The following FAM81A variants were observed in gnomAD, a reference collection of about 807,000 sequenced individuals.
FAM81A encodes the protein family with sequence similarity 81 member A.
FAM81A carries 19 observed loss-of-function variants against 46.7 expected under a neutral mutation model. The ratio of observed to expected loss-of-function variants is 0.41; its 90% CI spans 0.28 to 0.60. The LOEUF is 0.60. Ranked by LOEUF, FAM81A falls within the 20% of genes least tolerant of loss-of-function variation. FAM81A has a pLI of 0.34. For missense variants in FAM81A, 377 were observed against 453.5 expected (o/e 0.83, Z 1.53); for synonymous variants, 183 against 152.9 (o/e 1.20, Z -1.45).
chr15:59,456,419 G>A (rs1259841643), intron 1 of FAM81A, among the ~76,000 whole-genome samples: 1 of 152,144 alleles, frequency 6.6e-6, no homozygotes, highest in African/African-American at 2.4e-5. Flanking sequence ...GTGTTGAAGA[G>A]AAGCTGTGGA....
chr15:59,516,932 G>A (rs1376435821), intron 8 of FAM81A, 92 bp downstream of exon 8: 8 of 1,205,524 alleles, frequency 6.6e-6, no homozygotes, highest in Admixed American at 3.1e-5. Flanking sequence ...TATGAACCTG[G>A]CTAATGGTAA....
At chr15:59,448,157 A>C (rs1426659208) in intron 1 of FAM81A, among the ~76,000 whole-genome samples, 1 of 152,164 alleles carries the variant, frequency 6.6e-6, no homozygotes, top group Non-Finnish European at 1.5e-5. Flanking sequence ...TGGGCAGATC[A>C]TGTGAGGTCA....
intron 3 of FAM81A, among the ~76,000 whole-genome samples, chr15:59,466,647 T>G (rs1329129057): frequency 6.6e-6 from 1 of 152,210 alleles, no homozygotes; most frequent in Non-Finnish European, 1.5e-5. Context: ...TTTCTCCCAT[T>G]CTGTAGGTTG....
At chr15:59,459,200 G>C (rs1345004295) in intron 2 of FAM81A, among the ~76,000 whole-genome samples, 1 of 151,978 alleles carries the variant, frequency 6.6e-6, no homozygotes, top group Non-Finnish European at 1.5e-5. Context: ...GGGTCTCGTT[G>C]TGTTGCCCAG....
At chr15:59,421,811 CA>C (rs1223847670) in intron 2 of FAM81A, among the ~76,000 whole-genome samples, 1 of 150,712 alleles carries the variant, frequency 6.6e-6, no homozygotes, top group African/African-American at 2.5e-5. Context: ...AACTACCTAC[CA>C]AAAAAGCATT....
chr15:59,507,028 C>T (rs1329015065), intron 4 of FAM81A, among the ~76,000 whole-genome samples, 185 bp from the exon 5 acceptor site: 2 of 152,162 alleles, frequency 1.3e-5, no homozygotes, highest in African/African-American at 4.8e-5. Context: ...TAAGCAACAT[C>T]CCTGTGGTTT....
chr15:59,516,610 G>A, intron 7 of FAM81A, 35 bp from the exon 8 acceptor site: 2 of 1,578,596 alleles, frequency 1.3e-6, no homozygotes, highest in Non-Finnish European at 1.7e-6. Context: ...TTTCTTTTTG[G>A]AGTGATTAAG....
At chr15:59,458,769 G>T in intron 2 of FAM81A, 123 bp downstream of exon 2, 1 of 871,188 alleles carries the variant, frequency 1.1e-6, no homozygotes, top group Non-Finnish European at 1.9e-6. Flanking sequence ...AAACACTATT[G>T]TGTCCTCTAG....
chr15:59,433,689 G>A (rs2081230939), upstream of FAM81A, among the ~76,000 whole-genome samples: 1 of 151,938 alleles, frequency 6.6e-6, no homozygotes, highest in Non-Finnish European at 1.5e-5. Context: ...TTTACTATTA[G>A]CAACAAAGAA....
intron 3 of FAM81A, among the ~76,000 whole-genome samples, chr15:59,479,700 G>C (rs2081825093): frequency 6.6e-6 from 1 of 151,932 alleles, no homozygotes; most frequent in Non-Finnish European, 1.5e-5. Flanking sequence ...AAGAGGCGTG[G>C]CACGTTTAAG....
chr15:59,449,039 A>G (rs1047747394), intron 1 of FAM81A, among the ~76,000 whole-genome samples: 2 of 152,216 alleles, frequency 1.3e-5, no homozygotes, highest in Admixed American at 6.5e-5. Context: ...ACATTTATCC[A>G]ATAGCCATTT....
intron 3 of FAM81A, among the ~76,000 whole-genome samples, chr15:59,483,529 A>C (rs1246409819): frequency 6.6e-6 from 1 of 152,238 alleles, no homozygotes; most frequent in Non-Finnish European, 1.5e-5. Context: ...AGGGAGCACA[A>C]AAACAAATTA....
chr15:59,516,750 C>G lies in FAM81A; in HGVS notation c.892C>G (p.Gln298Glu). 1 of 1,613,434 alleles carries G rather than the reference C, an allele frequency of 6.2e-7. No homozygotes were observed. The highest frequency in any genetic ancestry group is 8.5e-7 in the Non-Finnish European group (1 of 1,179,744). ...KKTFDGQRTRQEEEKMHGRIT... is the reference protein window; with the variant it reads ...KKTFDGQRTREEEEKMHGRIT... Reference sequence around the variant, plus strand: ...GACTTTTGATGGTCAGAGAACAAGGCAAGAAGAGGAGAAGATGCACGGGCG... The same window carrying G: ...GACTTTTGATGGTCAGAGAACAAGGGAAGAAGAGGAGAAGATGCACGGGCG... The change falls in exon 8 of 9, where the codon CAA becomes GAA. Residue 298 changes from glutamine to glutamate, a missense_variant. Transcript: ENST00000288228.
intron 2 of FAM81A, among the ~76,000 whole-genome samples, chr15:59,422,244 C>T (rs2081177365): frequency 6.6e-6 from 1 of 151,866 alleles, no homozygotes; most frequent in Non-Finnish European, 1.5e-5. Flanking sequence ...AAGAATTAGC[C>T]AGGCATGGTG....
At chr15:59,453,734 C>CA (rs1330923408) in intron 1 of FAM81A, among the ~76,000 whole-genome samples, 489 of 130,670 alleles carry the variant, frequency 3.7e-3, no homozygotes, top group African/African-American at 0.01. Flanking sequence ...GTGGGGAAAG[C>CA]AAAAAAAAAA....
chr15:59,465,830 T>A (rs1332402044), intron 3 of FAM81A, among the ~76,000 whole-genome samples: 2 of 152,186 alleles, frequency 1.3e-5, no homozygotes. Flanking sequence ...TTTCTCCTAA[T>A]GCTATCCCGC....
intron 2 of FAM81A, among the ~76,000 whole-genome samples, chr15:59,431,963 C>T (rs1272972256): frequency 6.6e-6 from 1 of 152,102 alleles, no homozygotes; most frequent in African/African-American, 2.4e-5. Context: ...TAAGTGTATT[C>T]AAATATGGGA....
upstream of FAM81A, among the ~76,000 whole-genome samples, chr15:59,434,044 C>T (rs1345490286): frequency 2.0e-5 from 3 of 152,104 alleles, no homozygotes; most frequent in African/African-American, 4.8e-5. Context: ...TTAGTAGAGA[C>T]GGGTTTCGCC....
intron 2 of FAM81A, among the ~76,000 whole-genome samples, chr15:59,427,924 C>A (rs549953564): frequency 2.1e-4 from 32 of 152,306 alleles, no homozygotes; most frequent in African/African-American, 7.7e-4. Context: ...ATGTATCTGG[C>A]AGTGAAACTG....
Sources: allele counts gnomAD v4.1 joint callset (sites outside exome capture counted in the v4.1 genomes callset), GRCh38; gene constraint gnomAD v4.1.1; transcripts MANE v1.5; gene names NCBI Gene and HGNC (gene_info 2026-07-23, HGNC 2026-07-21).